Variants in CCDC40 observed in about 807,000 individuals in gnomAD.
CCDC40 encodes the protein coiled-coil domain-containing protein 40.
In CCDC40, 104 loss-of-function variants were observed where a neutral mutation model predicts 124.5. The observed-to-expected ratio is 0.84, with a 90% CI of 0.71 to 0.98. The LOEUF (loss-of-function observed/expected upper bound fraction) is 0.98, where lower values mean the gene tolerates loss of function less well. Among genes scored for constraint, CCDC40 ranks in the 50% least tolerant of loss-of-function variants. CCDC40 has a pLI of 0.00. For missense variants in CCDC40, 1,463 were observed against 1,503.9 expected (o/e 0.97, Z 0.45); for synonymous variants, 580 against 602.9 (o/e 0.96, Z 0.56).
chr17:80,038,168 G>A lies in CCDC40; in HGVS notation c.75G>A (p.Gly25=). ...DGSASEGEKE[G]NNESHMVSPP... is the part of the protein sequence containing the mutation. ...CGGCTTCTGAGGGAGAGAAGGAAGG[G>A]AATAATGAAAGCCACATGGTAAAAT... is the stretch of plus-strand genomic sequence containing the variant. The change falls in exon 2 of 20, where the codon GGG becomes GGA. Residue 25 remains glycine (G), a synonymous_variant. Coordinates refer to ENST00000397545, the MANE Select transcript of CCDC40 (RefSeq NM_017950.4). 6.2e-7 allele frequency: 1 copy of A among 1,608,632 alleles called. No homozygotes were observed. Among genetic ancestry groups the A allele is most frequent in the South Asian group, 1.1e-5 (1 of 90,906 alleles).
intron 10 of CCDC40, among the ~76,000 whole-genome samples, chr17:80,070,820 T>C (rs1039717805): frequency 6.6e-6 from 1 of 152,194 alleles, no homozygotes. Flanking sequence ...GTGAGGCCTG[T>C]CAGGACTGCT....
intron 9 of CCDC40, among the ~76,000 whole-genome samples, chr17:80,060,861 G>A (rs1175938611): frequency 6.6e-6 from 1 of 152,212 alleles, no homozygotes; most frequent in East Asian, 1.9e-4. Context: ...ATGATGTCGG[G>A]ACATTTGGTT....
At chr17:80,080,512 G>C (rs573929867) in intron 10 of CCDC40, among the ~76,000 whole-genome samples, 1 of 152,336 alleles carries the variant, frequency 6.6e-6, no homozygotes, top group African/African-American at 2.4e-5. Context: ...AATAGAATTT[G>C]AAGTGGGCCC....
intron 10 of CCDC40, among the ~76,000 whole-genome samples, chr17:80,078,150 T>C (rs1000512953): frequency 6.6e-5 from 10 of 151,770 alleles, no homozygotes; most frequent in African/African-American, 2.4e-4. Context: ...GCTAACACGG[T>C]GAAACCCCAT....
intron 4 of CCDC40, among the ~76,000 whole-genome samples, chr17:80,047,978 G>A (rs961363859): frequency 2.0e-5 from 3 of 152,182 alleles, no homozygotes; most frequent in African/African-American, 7.2e-5. Context: ...GTCTAAATTA[G>A]TAAAAAAACA....
intron 12 of CCDC40, 98 bp from the exon 13 acceptor site, chr17:80,084,645 G>T: frequency 6.9e-7 from 1 of 1,445,244 alleles, no homozygotes; most frequent in East Asian, 2.3e-5. Flanking sequence ...AATATCTCCA[G>T]AGGAACATCC....
intron 10 of CCDC40, among the ~76,000 whole-genome samples, chr17:80,069,620 G>A (rs372109947): frequency 2.0e-5 from 3 of 152,094 alleles, no homozygotes; most frequent in African/African-American, 4.8e-5. Flanking sequence ...ACCTGGTGGC[G>A]GGCACCTGTG....
At chr17:80,077,773 C>T (rs1015610308) in intron 10 of CCDC40, among the ~76,000 whole-genome samples, 11 of 152,190 alleles carry the variant, frequency 7.2e-5, no homozygotes, top group African/African-American at 4.8e-5. Flanking sequence ...ATTCGCTATT[C>T]CTGTGCCTTC....
At position 80,047,845 on chromosome 17, in the gene CCDC40, G is replaced by T. The variant is rs561047841; in HGVS notation, c.676+443G>T. 4.5e-4 allele frequency among the ~76,000 whole-genome samples: 68 copies of T among 152,178 alleles called. 2 individuals are homozygous for T. Among genetic ancestry groups the T allele is most frequent in the Non-Finnish European group, 1.0e-4 (7 of 68,040 alleles). ...TCCAGAACCCCTGTCTTCTTACGTA[G>T]TCCCAGTATCCCAGTGTTGTGGACG... is the stretch of plus-strand genomic sequence containing the variant. On this transcript the variant is annotated intron_variant, in intron 4 of 19. Coordinates refer to ENST00000397545, the MANE Select transcript of CCDC40 (RefSeq NM_017950.4).
intron 9 of CCDC40, among the ~76,000 whole-genome samples, chr17:80,063,022 C>A (rs1315901540): frequency 6.6e-6 from 1 of 152,086 alleles, no homozygotes; most frequent in Non-Finnish European, 1.5e-5. Flanking sequence ...TGGTGAAACC[C>A]CGTCTCTACT....
chr17:80,056,677 A>T (rs2037756735), intron 7 of CCDC40, among the ~76,000 whole-genome samples: 2 of 152,088 alleles, frequency 1.3e-5, no homozygotes, highest in Non-Finnish European at 2.9e-5. Flanking sequence ...CATTTAGAAG[A>T]CTAAATGCAC....
chr17:80,061,311 A>G (rs575614705), intron 9 of CCDC40, among the ~76,000 whole-genome samples: 34 of 152,352 alleles, frequency 2.2e-4, no homozygotes, highest in African/African-American at 7.0e-4. Context: ...ATGCCATTGC[A>G]TTTCAGCCTG....
chr17:80,054,463 C>T (rs551659439), intron 7 of CCDC40, among the ~76,000 whole-genome samples: 5 of 152,192 alleles, frequency 3.3e-5, no homozygotes, highest in South Asian at 2.1e-4. Context: ...TGGAAGATTC[C>T]GGAAACTCCC....
chr17:80,044,737 A>ATC (rs1568671779), intron 3 of CCDC40, among the ~76,000 whole-genome samples: 8,877 of 138,078 alleles, frequency 0.064, 383 homozygotes, highest in Non-Finnish European at 0.091. Flanking sequence ...ATATATATAT[A>ATC]TCTCAACAAC....
Position 80,084,870 on chromosome 17 carries a change from A to AGCT in CCDC40, c.2117_2118insGCT (p.Asn706delinsLysLeu). ...CTGGACCAGGACGTGAAGAAAGTCAACGAGCTCATCACCAACAGCCAGAGC... is the reference window on the plus strand; with the variant it reads ...CTGGACCAGGACGTGAAGAAAGTCAAGCTCGAGCTCATCACCAACAGCCAGAGC... On this transcript the variant is annotated protein_altering_variant, in exon 13 of 20. Transcript: ENST00000397545. 6.2e-7 allele frequency: 1 copy of AGCT among 1,614,178 alleles called. No individual in the cohort carries two copies. Among genetic ancestry groups the AGCT allele is most frequent in the Non-Finnish European group, 8.5e-7 (1 of 1,180,036 alleles).
intron 3 of CCDC40, among the ~76,000 whole-genome samples, chr17:80,046,986 C>T (rs899472809): frequency 6.6e-6 from 1 of 152,114 alleles, no homozygotes; most frequent in East Asian, 1.9e-4. Context: ...GCTGGGATTA[C>T]AGGTGCCCGC....
chr17:80,056,007 T>TAC (rs2037733638), intron 7 of CCDC40, among the ~76,000 whole-genome samples: 1 of 41,772 alleles, frequency 2.4e-5, no homozygotes, highest in Non-Finnish European at 4.7e-5. Flanking sequence ...TATATATATA[T>TAC]ATATATATAT....
At position 80,086,105 on chromosome 17, in the gene CCDC40, C is replaced by T; in HGVS notation, c.2338C>T (p.Leu780=). ...CCAGGCCCAGGTGACCTGGCTGCGC[C>T]TGCAGCAGGAGATGGTCAAGGTGAC... ...AVQAQVTWLR[L]QQEMVKVTQE... The change falls in exon 14 of 20, where the codon CTG becomes TTG. Residue 780 remains leucine (L), a synonymous_variant. Coordinates refer to ENST00000397545, the MANE Select transcript of CCDC40 (RefSeq NM_017950.4). The surrounding 1 kb of genome is among the most constrained non-coding windows in gnomAD (Gnocchi z 5.5). 1 of 1,614,196 alleles carries T rather than the reference C, an allele frequency of 6.2e-7. No homozygotes were observed. Among genetic ancestry groups the T allele is most frequent in the South Asian group, 1.1e-5 (1 of 91,092 alleles).
intron 10 of CCDC40, among the ~76,000 whole-genome samples, chr17:80,065,905 G>A (rs1401348461): frequency 6.6e-6 from 1 of 152,198 alleles, no homozygotes; most frequent in Non-Finnish European, 1.5e-5. Context: ...GGAGGTAAAG[G>A]TGTCCCTTTG....
Sources: allele counts gnomAD v4.1 joint callset (sites outside exome capture counted in the v4.1 genomes callset), GRCh38; gene constraint gnomAD v4.1.1; non-coding constraint Gnocchi (gnomAD v3.1); transcripts MANE v1.5; gene names NCBI Gene and HGNC (gene_info 2026-07-23, HGNC 2026-07-21).